Variants in MOV10L1 observed in about 807,000 individuals in gnomAD.
The protein encoded by MOV10L1 is RNA helicase Mov10l1.
In MOV10L1, 110 loss-of-function variants were observed where a neutral mutation model predicts 143.8. The observed-to-expected ratio is 0.76, with a 90% CI of 0.66 to 0.90. The LOEUF is 0.90. Among genes scored for constraint, MOV10L1 ranks in the 40% least tolerant of loss-of-function variants. The pLI, the probability that MOV10L1 is intolerant of heterozygous loss-of-function variation, is 0.00. For missense variants in MOV10L1, 1,406 were observed against 1,526.8 expected, an observed-to-expected ratio of 0.92 and a Z score of 1.32; for synonymous variants, 593 against 581.1, an observed-to-expected ratio of 1.02 and a Z score of -0.29.
chr22:50,150,620 C>G (rs2063272502), intron 20 of MOV10L1, 115 bp from the exon 21 acceptor site: 2 of 1,233,034 alleles, frequency 1.6e-6, no homozygotes, highest in Non-Finnish European at 1.1e-6. Context: ...CCGTCGTCCC[C>G]TGCAGCAAGA....
intron 22 of MOV10L1, among the ~76,000 whole-genome samples, chr22:50,155,817 A>G (rs2063412505): frequency 6.6e-6 from 1 of 152,174 alleles, no homozygotes; most frequent in African/African-American, 2.4e-5. Flanking sequence ...GTGGGAGGCC[A>G]AGGCAGGCAG....
chr22:50,144,269 G>A lies in MOV10L1; in HGVS notation c.2505+26G>A, dbSNP rs755451809. On this transcript the variant is annotated intron_variant, in intron 18 of 26. Transcript: ENST00000262794. ...GTGAGCCCTTGGTGCAAGCAGTGGG[G>A]GGCACCAGAACCCCTCCCTGGAACA... is the stretch of plus-strand genomic sequence containing the variant. 1.2e-5 allele frequency: 19 copies of A among 1,579,238 alleles called. No individual in the cohort carries two copies. In the East Asian group the frequency reaches 4.1e-4, roughly 34 times the overall value.
chr22:50,161,112 C>T, intron 26 of MOV10L1, 57 bp downstream of exon 26: 4 of 1,509,242 alleles, frequency 2.7e-6, no homozygotes, highest in Non-Finnish European at 3.7e-6. Context: ...GTGCTCTAGC[C>T]TGCCCTCCCC....
intron 2 of MOV10L1, chr22:50,094,696 C>G (rs553334122): frequency 6.6e-6 from 1 of 152,152 alleles, no homozygotes; most frequent in African/African-American, 2.4e-5. Flanking sequence ...CCATGCCCAG[C>G]GATTTTTAAA....
Position 50,092,132 on chromosome 22 carries a change from G to A in MOV10L1, c.229G>A (p.Val77Met). 6.2e-7 allele frequency: 1 copy of A among 1,614,214 alleles called. No individual in the cohort carries two copies. The highest frequency in any genetic ancestry group is 2.2e-5 in the East Asian group (1 of 44,890). ...SRVLLNVGQE[V>M]IAVVEENKVS... ...AGTGCTTCTGAATGTTGGACAGGAA[G>A]TGATTGCAGTTGTGGAAGAAAATAA... The change falls in exon 2 of 27, where the codon GTG becomes ATG. Residue 77 changes from valine to methionine, a missense_variant. By Grantham distance (21) the Val-to-Met change is conservative. Coordinates refer to ENST00000262794, the MANE Select transcript of MOV10L1 (RefSeq NM_018995.3).
At chr22:50,095,745 C>A (rs541518647) in intron 2 of MOV10L1, 1 of 151,822 alleles carries the variant, frequency 6.6e-6, no homozygotes, top group Admixed American at 6.6e-5. Flanking sequence ...CAAATCCCAG[C>A]CCTCTTGGTG....
In MOV10L1 at chr22:50,150,695, A is replaced by G. The variant is rs1174437523; in HGVS notation, c.2728-40A>G. The G allele has an allele frequency of 1.9e-6, 3 of 1,601,802 alleles. No individual in the cohort carries two copies. In the East Asian group the frequency reaches 6.8e-5, roughly 36 times the overall value. ...CTGAGCCCGTAGGAGTGGCAGCGGC[A>G]CCCTCCCTGCATGAGCTGAGACGGG... On this transcript the variant is annotated intron_variant, in intron 20 of 26. Transcript: ENST00000262794.
At chr22:50,134,992 G>A (rs960851509) in intron 15 of MOV10L1, among the ~76,000 whole-genome samples, 2 of 151,860 alleles carry the variant, frequency 1.3e-5, no homozygotes, top group Non-Finnish European at 2.9e-5. Flanking sequence ...TTAGAGTTGG[G>A]TTTTTTCTTT....
chr22:50,148,334 A>G (rs2063207229), intron 19 of MOV10L1, among the ~76,000 whole-genome samples: 1 of 152,206 alleles, frequency 6.6e-6, no homozygotes, highest in African/African-American at 2.4e-5. Context: ...TCCTCAGCTC[A>G]TGGCCCCAGG....
At chr22:50,102,837 G>A (rs1374846423) in intron 3 of MOV10L1, among the ~76,000 whole-genome samples, 1 of 152,088 alleles carries the variant, frequency 6.6e-6, no homozygotes, top group Non-Finnish European at 1.5e-5. Flanking sequence ...GGAGGCAGAG[G>A]TTGCGGTGAG....
chr22:50,157,146 A>G (rs980493310), intron 22 of MOV10L1, among the ~76,000 whole-genome samples: 4 of 152,122 alleles, frequency 2.6e-5, no homozygotes, highest in Admixed American at 1.3e-4. Context: ...GGCCATTTGT[A>G]TGTCTCCTTT....
At chr22:50,142,479 G>A (rs1029373155) in intron 16 of MOV10L1, among the ~76,000 whole-genome samples, 9 of 152,026 alleles carry the variant, frequency 5.9e-5, no homozygotes, top group Non-Finnish European at 1.3e-4. Context: ...AGAATCGGTT[G>A]ACAGCCTGTC....
At chr22:50,090,325 G>A in intron 1 of MOV10L1, 140 bp downstream of exon 1, 2 of 1,474,814 alleles carry the variant, frequency 1.4e-6, no homozygotes, top group South Asian at 2.7e-5. Flanking sequence ...TCCGCTGGCG[G>A]GGATCCCCGT....
chr22:50,144,027 G>A (rs1417106306), intron 17 of MOV10L1, 70 bp from the exon 18 acceptor site: 27 of 1,562,714 alleles, frequency 1.7e-5, no homozygotes, highest in Non-Finnish European at 2.4e-5. Context: ...TGTGTGTTGA[G>A]GTTAGACTCC....
At chr22:50,121,591 G>A (rs2062346434) in intron 10 of MOV10L1, among the ~76,000 whole-genome samples, 1 of 152,230 alleles carries the variant, frequency 6.6e-6, no homozygotes, top group Non-Finnish European at 1.5e-5. Flanking sequence ...CACAGATCCT[G>A]GGCAGGGAGG....
chr22:50,133,493 A>G (rs2062735547), intron 13 of MOV10L1, among the ~76,000 whole-genome samples: 1 of 138,996 alleles, frequency 7.2e-6, no homozygotes, highest in African/African-American at 2.6e-5. Context: ...TGGGTGTGGG[A>G]TTTTGTCCCA....
chr22:50,150,741 CT>C lies in MOV10L1; in HGVS notation c.2735del (p.Leu912ArgfsTer22). 3 of 1,613,818 alleles carry C rather than the reference CT, an allele frequency of 1.9e-6. No homozygotes were observed. The highest frequency in any genetic ancestry group is 2.5e-6 in the Non-Finnish European group (3 of 1,179,936). Reference protein sequence around the residue: ...LMSDISGQIVLAGDPMQLGPV... With the variant: ...LMSDISGQIVXAGDPMQLGPV... ...ACGGGCCCTCTGTGTGCAGATCGTG[CT>C]GGCAGGAGACCCCATGCAGCTCGGC... On this transcript the variant is annotated frameshift_variant, in exon 21 of 27. Coordinates refer to ENST00000262794, the MANE Select transcript of MOV10L1 (RefSeq NM_018995.3). LOFTEE classifies it high-confidence loss of function.
At chr22:50,144,824 GC>G (rs1201822268) in intron 18 of MOV10L1, among the ~76,000 whole-genome samples, 1 of 151,828 alleles carries the variant, frequency 6.6e-6, no homozygotes, top group Non-Finnish European at 1.5e-5. Flanking sequence ...CTCATGATCT[GC>G]CCGCCTCGGC....
Position 50,143,094 on chromosome 22 carries a change from TG to T in MOV10L1, c.2232del (p.Leu745Ter). ...KARKMEFFNP[V>X]LNENQKLAVK... Reference sequence around the variant, plus strand: ...AGAAAGATGGAGTTTTTCAACCCAGTGCTAAATGAAAATCAGAAGTTAGCAG... The same window carrying T: ...AGAAAGATGGAGTTTTTCAACCCAGTCTAAATGAAAATCAGAAGTTAGCAG... On this transcript the variant is annotated frameshift_variant, in exon 17 of 27. Coordinates refer to ENST00000262794, the MANE Select transcript of MOV10L1 (RefSeq NM_018995.3). LOFTEE classifies it high-confidence loss of function. The T allele has an allele frequency of 2.5e-6, 4 of 1,614,206 alleles. No individual in the cohort carries two copies. Among genetic ancestry groups the T allele is most frequent in the Non-Finnish European group, 3.4e-6 (4 of 1,180,036 alleles).
Sources: allele counts gnomAD v4.1 joint callset (sites outside exome capture counted in the v4.1 genomes callset), GRCh38; gene constraint gnomAD v4.1.1; transcripts MANE v1.5; gene names NCBI Gene and HGNC (gene_info 2026-07-23, HGNC 2026-07-21).